PRKCE: variants seen among roughly 807,000 people sequenced by gnomAD.
PRKCE encodes the protein protein kinase C epsilon type.
PRKCE carries 16 observed loss-of-function variants against 85.4 expected under a neutral mutation model. The ratio of observed to expected loss-of-function variants is 0.19; its 90% confidence interval spans 0.13 to 0.28. The LOEUF is 0.28. Among genes scored for constraint, PRKCE ranks in the 10% least tolerant of loss-of-function variants. PRKCE has a pLI of 1.00. For synonymous variants in PRKCE, 388 were observed against 371.5 expected (o/e 1.04, Z -0.51); for missense variants, 573 against 975.2 (o/e 0.59, Z 5.49).
intron 2 of PRKCE, among the ~76,000 whole-genome samples, chr2:45,848,440 A>G (rs2105530531): frequency 6.6e-6 from 1 of 152,124 alleles, no homozygotes; most frequent in Middle Eastern, 3.4e-3. Flanking sequence ...CCTCCTGAGT[A>G]GCTGGGACTA....
At chr2:45,947,508 A>G (rs749231627) in intron 2 of PRKCE, among the ~76,000 whole-genome samples, 1 of 152,252 alleles carries the variant, frequency 6.6e-6, no homozygotes, top group Non-Finnish European at 1.5e-5. Flanking sequence ...TACTTAAGAC[A>G]AATTATGCAA....
intron 1 of PRKCE, among the ~76,000 whole-genome samples, chr2:45,729,760 T>C (rs1364748472): frequency 6.6e-6 from 1 of 152,236 alleles, no homozygotes; most frequent in Non-Finnish European, 1.5e-5. Flanking sequence ...TGTATGCTGA[T>C]GCTGATTAGG....
chr2:45,978,720 A>C, intron 3 of PRKCE: 1 of 441,744 alleles, frequency 2.3e-6, no homozygotes. Flanking sequence ...CCACACAGGA[A>C]TGGCTCTCTG....
chr2:46,089,552 A>G (rs1210993765), intron 11 of PRKCE, among the ~76,000 whole-genome samples: 2 of 152,144 alleles, frequency 1.3e-5, no homozygotes, highest in East Asian at 1.9e-4. Context: ...CAGCCCTTAT[A>G]AGATAAAGTC....
chr2:45,995,839 C>T (rs55930426), intron 6 of PRKCE, among the ~76,000 whole-genome samples: 3 of 151,956 alleles, frequency 2.0e-5, no homozygotes, highest in Non-Finnish European at 1.5e-5. Context: ...TTGCTTGGGT[C>T]TTTTGCCTGG....
chr2:45,745,188 C>A (rs981364872), intron 1 of PRKCE, among the ~76,000 whole-genome samples: 1 of 152,150 alleles, frequency 6.6e-6, no homozygotes, highest in Non-Finnish European at 1.5e-5. Flanking sequence ...GTCCTGCAAA[C>A]CATTCAATTC....
In PRKCE at chr2:46,004,203, C is replaced by T. The variant is rs949755847; in HGVS notation, c.967-339C>T. 11 of 327,600 alleles carry T rather than the reference C, an allele frequency of 3.4e-5. No homozygotes were observed. In the Admixed American group the frequency reaches 3.7e-4, roughly 11 times the overall value. 20.3% of individuals were successfully genotyped at this position (327,600 alleles called of 1,614,324 possible). On this transcript the variant is annotated intron_variant, in intron 7 of 14. Coordinates refer to ENST00000306156, the MANE Select transcript of PRKCE (RefSeq NM_005400.3). This position sits in a 1 kb window ranked among gnomAD's most constrained non-coding sequence, Gnocchi z 4.1. ...AGCTTGCTAACCTTTATGGTGTCCT[C>T]GCACAACCCGAACTACTTCATCCTT...
chr2:45,963,047 C>G (rs1004669370), intron 2 of PRKCE, among the ~76,000 whole-genome samples: 19 of 152,104 alleles, frequency 1.2e-4, no homozygotes, highest in Non-Finnish European at 2.5e-4. Flanking sequence ...TGTGGAAAGA[C>G]TTGGGGCTTG....
intron 1 of PRKCE, among the ~76,000 whole-genome samples, chr2:45,728,399 A>C (rs1019498249): frequency 2.0e-5 from 3 of 152,186 alleles, no homozygotes; most frequent in Non-Finnish European, 4.4e-5. Context: ...CAATCTAAGC[A>C]ATGCCATTTC....
chr2:46,143,864 T>C (rs2053796), intron 11 of PRKCE, among the ~76,000 whole-genome samples: 1 of 152,160 alleles, frequency 6.6e-6, no homozygotes, highest in Admixed American at 6.5e-5. Context: ...CAATGCAGGC[T>C]GGTCCTAAAG....
At chr2:45,805,743 C>T (rs1472404261) in intron 1 of PRKCE, among the ~76,000 whole-genome samples, 1 of 151,960 alleles carries the variant, frequency 6.6e-6, no homozygotes, top group Non-Finnish European at 1.5e-5. Flanking sequence ...ATTACAGGCA[C>T]CTGCCACCGT....
chr2:45,836,317 T>C (rs1334286119), intron 1 of PRKCE, among the ~76,000 whole-genome samples: 1 of 152,230 alleles, frequency 6.6e-6, no homozygotes, highest in Non-Finnish European at 1.5e-5. Context: ...ATTAACAGAA[T>C]AGAATCTTGA....
rs527508308 is a variant in PRKCE at position 45,911,946 on chromosome 2, G to T, written c.413-64483G>T. On this transcript the variant is annotated intron_variant, in intron 2 of 14. Coordinates refer to ENST00000306156, the MANE Select transcript of PRKCE (RefSeq NM_005400.3). ...TATGTCAGCCGCTGCTGCTTGTTGT[G>T]GTGGTGGTATTTTATTGTGTTGTTG... Among the ~76,000 whole-genome samples the T allele has an allele frequency of 2.6e-5, 4 of 152,112 alleles. No individual in the cohort carries two copies. The South Asian group carries it at 6.2e-4, about 24-fold the overall frequency.
At chr2:45,890,132 A>G (rs1695612449) in intron 2 of PRKCE, among the ~76,000 whole-genome samples, 1 of 152,224 alleles carries the variant, frequency 6.6e-6, no homozygotes, top group Admixed American at 6.5e-5. Context: ...TCTGAAGGAT[A>G]GTCGTTTTAA....
intron 1 of PRKCE, among the ~76,000 whole-genome samples, chr2:45,745,688 G>C (rs961090602): frequency 6.6e-6 from 1 of 152,184 alleles, no homozygotes; most frequent in African/African-American, 2.4e-5. Context: ...GGGAGGTGGA[G>C]AGTTGGGCCC....
At chr2:46,120,673 G>A (rs2104325186) in intron 11 of PRKCE, among the ~76,000 whole-genome samples, 1 of 152,274 alleles carries the variant, frequency 6.6e-6, no homozygotes, top group East Asian at 1.9e-4. Flanking sequence ...GAAGATAGGA[G>A]AAGGCATAAG....
At chr2:46,007,367 T>G in intron 8 of PRKCE, 95 bp from the exon 9 acceptor site, 2 of 1,252,750 alleles carry the variant, frequency 1.6e-6, no homozygotes, top group South Asian at 2.6e-5. Flanking sequence ...GAAAGAGGAC[T>G]GAGAGCTTAC....
intron 1 of PRKCE, among the ~76,000 whole-genome samples, chr2:45,816,711 C>A (rs760879092): frequency 1.3e-5 from 2 of 152,160 alleles, no homozygotes; most frequent in Non-Finnish European, 2.9e-5. Flanking sequence ...GTATCCCCAG[C>A]GCCACCCTGC....
chr2:45,941,835 A>G (rs1044034018), intron 2 of PRKCE, among the ~76,000 whole-genome samples: 9 of 152,096 alleles, frequency 5.9e-5, no homozygotes, highest in African/African-American at 2.2e-4. Context: ...AGTTCTGTCT[A>G]GGAGGTCATA....
Sources: allele counts gnomAD v4.1 joint callset (sites outside exome capture counted in the v4.1 genomes callset), GRCh38; gene constraint gnomAD v4.1.1; non-coding constraint Gnocchi (gnomAD v3.1); transcripts MANE v1.5; gene names NCBI Gene and HGNC (gene_info 2026-07-23, HGNC 2026-07-21).